The following NUP98 variants were observed in gnomAD, a reference collection of about 807,000 sequenced individuals.
NUP98 encodes the protein nucleoporin 98 and 96 precursor, also known as nuclear pore complex protein Nup98-Nup96.
NUP98 carries 26 observed loss-of-function variants against 191.9 expected under a neutral mutation model. That is an observed-to-expected ratio of 0.14 (90% confidence interval 0.10 to 0.19). The LOEUF is 0.19. NUP98 is among the 10% of genes least tolerant of loss of function. NUP98 has a pLI of 1.00. For synonymous variants in NUP98, 808 were observed against 778.4 expected (o/e 1.04, Z -0.63); for missense variants, 1,941 against 2,178.8 (o/e 0.89, Z 2.17).
chr11:3,780,381 A>C (rs1311943108), intron 2 of NUP98, among the ~76,000 whole-genome samples: 1 of 150,396 alleles, frequency 6.6e-6, no homozygotes, highest in Non-Finnish European at 1.5e-5. Flanking sequence ...ATAAAAAAAA[A>C]AAAAAAAAAA....
chr11:3,797,341 C>A, intron 1 of NUP98, 59 bp downstream of exon 1: 1 of 399,992 alleles, frequency 2.5e-6, no homozygotes, highest in Non-Finnish European at 4.4e-6. Flanking sequence ...CGTCCGCCCG[C>A]CCGGAAGGGG....
chr11:3,703,027 C>G (rs867740664), intron 22 of NUP98, 135 bp from the exon 23 acceptor site: 26 of 726,220 alleles, frequency 3.6e-5, no homozygotes, highest in Middle Eastern at 7.9e-4. Flanking sequence ...ATGTGGATGA[C>G]CAGAAGCAGG....
At chr11:3,738,909 C>A (rs903416303) in intron 12 of NUP98, among the ~76,000 whole-genome samples, 1 of 151,760 alleles carries the variant, frequency 6.6e-6, no homozygotes, top group Non-Finnish European at 1.5e-5. Context: ...GGTTTCCACA[C>A]AACCAGAACA....
At position 3,691,440 on chromosome 11, in the gene NUP98, A is replaced by T; in HGVS notation, c.4361T>A (p.Leu1454Gln). ...RYACSPLPSY[L>Q]EGSGCVIAEE... The stretch of plus-strand genomic sequence containing the variant: ...CGCTATCACACAGCCAGAACCCTCC[A>T]GATACGAAGGAAGTGGGGAGCAGGC... Residue 1454 changes from leucine to glutamine, a missense_variant, in exon 28 of 33, where the codon CTG (leucine) becomes CAG (glutamine). Transcript: ENST00000324932. 1 of 1,614,220 alleles carries T rather than the reference A, an allele frequency of 6.2e-7. No individual in the cohort carries two copies. Among genetic ancestry groups the T allele is most frequent in the East Asian group, 2.2e-5 (1 of 44,884 alleles).
intron 10 of NUP98, among the ~76,000 whole-genome samples, chr11:3,756,543 C>A (rs1185849431): frequency 1.3e-5 from 2 of 152,142 alleles, no homozygotes; most frequent in Middle Eastern, 3.4e-3. Flanking sequence ...CTGCCTCAGC[C>A]TCCCGAGTAG....
At position 3,762,912 on chromosome 11, in the gene NUP98, G is replaced by A; in HGVS notation, c.1076C>T (p.Ala359Val). The A allele has an allele frequency of 6.2e-7, 1 of 1,613,658 alleles. No individual in the cohort carries two copies. Among genetic ancestry groups the A allele is most frequent in the African/African-American group, 1.3e-5 (1 of 74,972 alleles). ...ACTGCAGAAACCTACCGAACCAACA[G>A]CACCAAATCCAGTATTGGTCTGCCC... ...LFGQTNTGFG[A>V]VGSTLFGNNK... Residue 359 changes from alanine to valine, a missense_variant, in exon 9 of 33, where the codon GCT becomes GTT. Physicochemically the swap from Ala to Val is moderately conservative, Grantham distance 64. Around this residue, in one of 6 missense-constraint regions of NUP98, gnomAD observed 181 missense variants for 228.0 expected, o/e 0.79. Coordinates refer to ENST00000324932, the MANE Select transcript of NUP98 (RefSeq NM_016320.5).
intron 2 of NUP98, 139 bp downstream of exon 2, chr11:3,781,903 C>T: frequency 3.8e-6 from 2 of 522,012 alleles, no homozygotes; most frequent in Non-Finnish European, 3.4e-6. Context: ...GAGATCTTAT[C>T]CTAATTATTT....
intron 1 of NUP98, among the ~76,000 whole-genome samples, chr11:3,789,733 A>G (rs2082272297): frequency 6.6e-6 from 1 of 151,788 alleles, no homozygotes; most frequent in Admixed American, 6.6e-5. Context: ...GGCCTCCTAA[A>G]GTGCAGGGAT....
chr11:3,748,308 G>A (rs2080586905), intron 11 of NUP98, among the ~76,000 whole-genome samples: 1 of 152,218 alleles, frequency 6.6e-6, no homozygotes, highest in East Asian at 1.9e-4. Flanking sequence ...GCTCATGCCT[G>A]TAATCCCAGT....
chr11:3,723,468 A>C lies in NUP98; in HGVS notation c.1848-13T>G. 1.2e-6 allele frequency: 2 copies of C among 1,609,532 alleles called. No homozygotes were observed. The highest frequency in any genetic ancestry group is 1.3e-5 in the African/African-American group (1 of 74,888). ...TAGGAAACTAAATCTGCAAAGGAAA[A>C]GAAATAATACCTTAGCCTCTTGTAG... On this transcript the variant is annotated splice_polypyrimidine_tract_variant and intron_variant, in intron 15 of 32. Transcript: ENST00000324932.
chr11:3,791,527 T>C (rs1172249814), intron 1 of NUP98, among the ~76,000 whole-genome samples: 1 of 82,466 alleles, frequency 1.2e-5, no homozygotes, highest in Non-Finnish European at 2.2e-5. Flanking sequence ...GACCGAGACC[T>C]CGTCTCAAAA....
At chr11:3,769,639 C>T (rs910395963) in intron 7 of NUP98, among the ~76,000 whole-genome samples, 1 of 147,282 alleles carries the variant, frequency 6.8e-6, no homozygotes, top group African/African-American at 2.5e-5. Context: ...TTGAAAAGTA[C>T]GTTAGGCTGG....
chr11:3,722,361 C>G (rs1281819098), intron 16 of NUP98, among the ~76,000 whole-genome samples: 3 of 151,882 alleles, frequency 2.0e-5, no homozygotes, highest in Non-Finnish European at 4.4e-5. Context: ...AACGATCCTC[C>G]CACCTAAGCC....
At chr11:3,698,084 T>G (rs770637368) in intron 25 of NUP98, among the ~76,000 whole-genome samples, 5 of 152,182 alleles carry the variant, frequency 3.3e-5, no homozygotes, top group African/African-American at 4.8e-5. Flanking sequence ...AATTTACTAC[T>G]ATGGTACATT....
chr11:3,737,693 AAGG>A (rs1376888465), intron 12 of NUP98, among the ~76,000 whole-genome samples: 10 of 152,164 alleles, frequency 6.6e-5, no homozygotes, highest in African/African-American at 2.4e-4. Context: ...AGAAGAGTCA[AAGG>A]TTTCTTAAAA....
At chr11:3,762,843 A>G in intron 9 of NUP98, 59 bp downstream of exon 9, 2 of 1,582,462 alleles carry the variant, frequency 1.3e-6, no homozygotes, top group Non-Finnish European at 1.7e-6. Context: ...CCTTAGAAGA[A>G]AATTCCTTTT....
Position 3,693,288 on chromosome 11 carries a change from G to A in NUP98, c.4255C>T (p.Leu1419Phe). The A allele has an allele frequency of 1.2e-6, 2 of 1,614,164 alleles. No homozygotes were observed. Among genetic ancestry groups the A allele is most frequent in the Non-Finnish European group, 1.7e-6 (2 of 1,180,004 alleles). The change falls in exon 27 of 33, where the codon CTT (leucine) becomes TTT (phenylalanine). Residue 1419 changes from leucine to phenylalanine, a missense_variant. Physicochemically the swap from Leu to Phe is conservative, Grantham distance 22 (BLOSUM62 0). Around this residue, in one of 6 missense-constraint regions of NUP98, gnomAD observed 1,030 missense variants for 1,115.8 expected, o/e 0.92. Transcript: ENST00000324932. ...RSLAIHLWYL[L>F]PPTASISRAL... Reference sequence around the variant, plus strand: ...CTAGAAATGGAGGCTGTTGGTGGAAGCAAATACCAAAGATGGATAGCCAGG... The same window carrying A: ...CTAGAAATGGAGGCTGTTGGTGGAAACAAATACCAAAGATGGATAGCCAGG...
intron 1 of NUP98, among the ~76,000 whole-genome samples, chr11:3,794,795 G>A (rs2082474122): frequency 1.3e-5 from 2 of 151,954 alleles, no homozygotes; most frequent in Non-Finnish European, 2.9e-5. Context: ...TGTATTTTTC[G>A]TAGAGACAGG....
intron 14 of NUP98, among the ~76,000 whole-genome samples, chr11:3,726,745 C>T (rs961618994): frequency 6.6e-6 from 1 of 151,852 alleles, no homozygotes; most frequent in Non-Finnish European, 1.5e-5. Flanking sequence ...CAGTACCAAA[C>T]ATCTGATGTT....
Sources: gnomAD v4.1 joint callset for allele counts (sites outside exome capture counted in the v4.1 genomes callset) on GRCh38, gnomAD v4.1.1 for gene constraint, gnomAD v4.1.1 regional missense constraint, MANE v1.5 for transcripts, NCBI Gene and HGNC (gene_info 2026-07-23, HGNC 2026-07-21) for gene names.